The following SPRY3 variants were observed in gnomAD, a reference collection of about 807,000 sequenced individuals.
The protein encoded by SPRY3 is protein sprouty homolog 3.
SPRY3 carries 15 observed loss-of-function variants against 20.2 expected under a neutral mutation model. That is an observed-to-expected ratio of 0.74 (90% CI 0.50 to 1.14). The LOEUF (loss-of-function observed/expected upper bound fraction) is 1.14. Among genes scored for constraint, SPRY3 ranks in the 50% most tolerant of loss-of-function variants. The pLI, the probability that SPRY3 is intolerant of heterozygous loss-of-function variation, is 0.00. For missense variants in SPRY3, 364 were observed against 363.9 expected (o/e 1.00, Z 0.00); for synonymous variants, 143 against 136.5 (o/e 1.05, Z -0.33).
intron 2 of SPRY3, among the ~76,000 whole-genome samples, chrX:155,761,265 T>G (rs1399841767): frequency 6.6e-6 from 1 of 152,214 alleles, no homozygotes; most frequent in Non-Finnish European, 1.5e-5. Context: ...TCTCTGCTCT[T>G]CTGTGACAAT....
chrX:155,698,450 A>C (rs1342137346), intron 2 of SPRY3, among the ~76,000 whole-genome samples: 2 of 111,760 alleles, frequency 1.8e-5, no homozygotes, highest in Non-Finnish European at 3.8e-5. Context: ...CTTCATCTTC[A>C]GGCTAACCCT....
chrX:155,718,093 A>T (rs144449384), intron 2 of SPRY3, among the ~76,000 whole-genome samples: 109 of 152,324 alleles, frequency 7.2e-4, no homozygotes, highest in Non-Finnish European at 1.4e-3. Context: ...GCAGATTTTC[A>T]TAAATAATTG....
intron 2 of SPRY3, among the ~76,000 whole-genome samples, chrX:155,754,630 A>G (rs28411049): frequency 0.066 from 10,035 of 152,072 alleles, 396 homozygotes; most frequent in East Asian, 0.12. Flanking sequence ...TTGCAAAAAA[A>G]TCTGGCTGGG....
chrX:155,633,063 G>T (rs1001792867), intron 1 of SPRY3, among the ~76,000 whole-genome samples: 1 of 110,977 alleles, frequency 9.0e-6, no homozygotes, highest in Non-Finnish European at 1.9e-5. Flanking sequence ...ACAATGTTTT[G>T]GTCCTCAACA....
chrX:155,667,462 C>A (rs1339630943), intron 2 of SPRY3, among the ~76,000 whole-genome samples: 1 of 110,777 alleles, frequency 9.0e-6, no homozygotes, highest in Admixed American at 9.6e-5. Flanking sequence ...GAAAGGACAA[C>A]CCCTCTACTA....
chrX:155,680,066 AG>A (rs2068069168), intron 2 of SPRY3, among the ~76,000 whole-genome samples: 1 of 108,812 alleles, frequency 9.2e-6, no homozygotes, highest in Admixed American at 9.9e-5. Flanking sequence ...CAGTTCTTGC[AG>A]GGTTCAAGAT....
chrX:155,679,702 A>T (rs1474950086), intron 2 of SPRY3, among the ~76,000 whole-genome samples: 1 of 111,957 alleles, frequency 8.9e-6, no homozygotes, highest in South Asian at 3.7e-4. Flanking sequence ...GTGAGGGGAG[A>T]TAGTCATTAA....
At chrX:155,619,589 A>G (rs977907157) in intron 1 of SPRY3, among the ~76,000 whole-genome samples, 1 of 111,345 alleles carries the variant, frequency 9.0e-6, no homozygotes, top group Non-Finnish European at 1.9e-5. Context: ...ATTGTTAAGC[A>G]TAAGGAAGAA....
downstream of SPRY3, chrX:155,779,789 A>G (rs2091452796): frequency 1.2e-5 from 2 of 167,022 alleles, no homozygotes; most frequent in African/African-American, 4.8e-5. Context: ...CAGACACATT[A>G]TAAGAATTAT....
chrX:155,745,669 C>T (rs2091222124), intron 2 of SPRY3, among the ~76,000 whole-genome samples: 1 of 152,058 alleles, frequency 6.6e-6, no homozygotes, highest in South Asian at 2.1e-4. Context: ...CATACAGAAT[C>T]AAATTCCCCA....
intron 2 of SPRY3, among the ~76,000 whole-genome samples, chrX:155,716,353 C>T (rs2091022546): frequency 1.3e-5 from 2 of 152,148 alleles, no homozygotes; most frequent in South Asian, 4.2e-4. Context: ...TTGATATTTT[C>T]TATCTGTTGG....
At chrX:155,738,463 G>A (rs2091183368) in intron 2 of SPRY3, among the ~76,000 whole-genome samples, 1 of 152,144 alleles carries the variant, frequency 6.6e-6, no homozygotes, top group Admixed American at 6.5e-5. Context: ...TTCAGTCCAT[G>A]GCTTTCATGG....
chrX:155,706,543 T>C (rs190690905), intron 2 of SPRY3, among the ~76,000 whole-genome samples: 2 of 150,598 alleles, frequency 1.3e-5, no homozygotes, highest in Admixed American at 1.3e-4. Flanking sequence ...TAGATATCAA[T>C]GGAACAAAAG....
At chrX:155,781,227 A>T (rs147472433), downstream of SPRY3, 1,113 of 167,066 alleles carry the variant, frequency 6.7e-3, 8 homozygotes, top group Middle Eastern at 0.01. Context: ...GCTCCATAGT[A>T]CTTAGATCTT....
chrX:155,772,258 G>A (rs1680188209), intron 3 of SPRY3, among the ~76,000 whole-genome samples: 1 of 152,140 alleles, frequency 6.6e-6, no homozygotes, highest in African/African-American at 2.4e-5. Context: ...GTTTGCATGA[G>A]GATATAGCCT....
intron 1 of SPRY3, among the ~76,000 whole-genome samples, chrX:155,630,156 A>G (rs2067901452): frequency 8.9e-6 from 1 of 112,160 alleles, no homozygotes; most frequent in Admixed American, 9.5e-5. Context: ...TTTTGATGTC[A>G]CCATTTACAT....
intron 1 of SPRY3, among the ~76,000 whole-genome samples, chrX:155,653,815 G>A (rs2061182015): frequency 9.0e-6 from 1 of 111,542 alleles, no homozygotes; most frequent in Non-Finnish European, 1.9e-5. Flanking sequence ...CATATAATAG[G>A]AAAACCAACT....
chrX:155,675,041 A>G (rs1393217561), intron 2 of SPRY3, among the ~76,000 whole-genome samples: 1 of 111,910 alleles, frequency 8.9e-6, no homozygotes, highest in Non-Finnish European at 1.9e-5. Context: ...GTGAACCTAT[A>G]TAATTCTGTT....
At chrX:155,742,130 G>A (rs1327832596) in intron 2 of SPRY3, among the ~76,000 whole-genome samples, 6 of 152,020 alleles carry the variant, frequency 3.9e-5, no homozygotes, top group Non-Finnish European at 5.9e-5. Flanking sequence ...ATGTAGGCAC[G>A]AAATAAAGGG....
Sources: allele counts gnomAD v4.1 joint callset (sites outside exome capture counted in the v4.1 genomes callset), GRCh38; gene constraint gnomAD v4.1.1; transcripts MANE v1.5; gene names NCBI Gene and HGNC (gene_info 2026-07-23, HGNC 2026-07-21).